TH: variants seen among roughly 807,000 people sequenced by gnomAD.
TH encodes the protein tyrosine hydroxylase.
In TH, 49 loss-of-function variants were observed where a neutral mutation model predicts 57.4. The observed-to-expected ratio is 0.85, with a 90% confidence interval of 0.68 to 1.08. The LOEUF (loss-of-function observed/expected upper bound fraction) is 1.08, where lower values mean the gene tolerates loss of function less well. Among genes scored for constraint, TH ranks in the 50% least tolerant of loss-of-function variants. TH has a pLI of 0.00. For synonymous variants in TH, 330 were observed against 304.5 expected (o/e 1.08, Z -0.87); for missense variants, 720 against 696.7 (o/e 1.03, Z -0.38).
chr11:2,166,775 G>A lies in TH; in HGVS notation c.842-7C>T. 1 of 1,548,030 alleles carries A rather than the reference G, an allele frequency of 6.5e-7. No homozygotes were observed. The highest frequency in any genetic ancestry group is 8.7e-7 in the Non-Finnish European group (1 of 1,145,800). The stretch of plus-strand genomic sequence containing the variant: ...AGCTGGAAGCCCGTGCGCTCTGCAA[G>A]GGGCCACGCGGGTCACTGCCGAGCC... On this transcript the variant is annotated splice_region_variant and splice_polypyrimidine_tract_variant and intron_variant, in intron 7 of 12. Transcript: ENST00000352909.
chr11:2,168,727 G>A (rs1168551851), intron 2 of TH, 62 bp from the exon 3 acceptor site: 5 of 1,132,770 alleles, frequency 4.4e-6, no homozygotes, highest in Non-Finnish European at 6.4e-6. Flanking sequence ...GAGAGAGAGG[G>A]TGGGGTGGGC....
rs1053018697 is a variant in TH, at chr11:2,171,369, A to AT, written c.90+327dup. ...AGCCGGGGACCTCTGGCCATCTTGGATTTTTTGGATGGATTTGTTTCCACA... is the reference window on the plus strand; with the variant it reads ...AGCCGGGGACCTCTGGCCATCTTGGATTTTTTTGGATGGATTTGTTTCCACA... On this transcript the variant is annotated intron_variant, in intron 1 of 12. Transcript: ENST00000352909. This position sits in a 1 kb window ranked among gnomAD's most constrained non-coding sequence, Gnocchi z 8.6. Among the ~76,000 whole-genome samples, 30 of 151,668 alleles carry AT rather than the reference A, an allele frequency of 2.0e-4. No homozygotes were observed. Among genetic ancestry groups the AT allele is most frequent in the South Asian group, 4.2e-4 (2 of 4,800 alleles).
chr11:2,169,177 C>T (rs758084515), intron 2 of TH, among the ~76,000 whole-genome samples: 5 of 152,026 alleles, frequency 3.3e-5, no homozygotes, highest in Admixed American at 2.0e-4. Flanking sequence ...AGCTGGGGGG[C>T]GGGGAGTCTG....
chr11:2,164,238 C>T lies in TH; in HGVS notation c.1489G>A (p.Gly497Ser). The change falls in exon 13 of 13, where the codon GGC becomes AGC. Residue 497 changes from glycine to serine, a missense_variant. Physicochemically the swap from Gly to Ser is moderately conservative, Grantham distance 56. Transcript: ENST00000352909. The stretch of plus-strand genomic sequence containing the variant: ...CCCTCAGGGACGCCGTGCACCTAGC[C>T]AATGGCACTCAGCGCATGGGCAAGG... ...DTLAHALSAI[G>S] is the part of the protein sequence containing the mutation. 6.8e-7 allele frequency: 1 copy of T among 1,463,634 alleles called. No individual in the cohort carries two copies. The highest frequency in any genetic ancestry group is 9.1e-7 in the Non-Finnish European group (1 of 1,103,578). The allele number at this position is 1,463,634 out of a possible 1,614,324, so 90.7% of individuals were successfully genotyped here. A position where few individuals can be genotyped will look rare whatever the true frequency, so the allele number is the denominator to read the frequency against.
chr11:2,168,703 AAG>A lies in TH; in HGVS notation c.313-40_313-39del, dbSNP rs765744887. The A allele has an allele frequency of 1.2e-5, 11 of 947,222 alleles. No individual in the cohort carries two copies. The Admixed American group carries it at 1.5e-4, about 13-fold the overall frequency. 58.7% of individuals were successfully genotyped at this position (947,222 alleles called of 1,614,324 possible). A position where few individuals can be genotyped will look rare whatever the true frequency, so the allele number is the denominator to read the frequency against. ...AAGCAGGAAGAGAGAGAGAAGGAGA[AAG>A]AGACAGAGATGGAGAGAGAGGGTGG... On this transcript the variant is annotated intron_variant, in intron 2 of 12. Transcript: ENST00000352909.
At position 2,171,467 on chromosome 11, in the gene TH, A is replaced by G. The variant is rs1180718591; in HGVS notation, c.90+230T>C. Among the ~76,000 whole-genome samples, 3 of 151,846 alleles carry G rather than the reference A, an allele frequency of 2.0e-5. No individual in the cohort carries two copies. Among genetic ancestry groups the G allele is most frequent in the Admixed American group, 1.3e-4 (2 of 15,264 alleles). ...GACCCCCGAGAGAGGTCGGCCTAAGAGGGGCACACACAGGGACAGGCATCA... is the reference window on the plus strand; with the variant it reads ...GACCCCCGAGAGAGGTCGGCCTAAGGGGGGCACACACAGGGACAGGCATCA... On this transcript the variant is annotated intron_variant, in intron 1 of 12. Transcript: ENST00000352909. The surrounding 1 kb of genome is among the most constrained non-coding windows in gnomAD (Gnocchi z 8.6).
intron 5 of TH, 104 bp from the exon 6 acceptor site, chr11:2,167,589 C>T (rs1245055950): frequency 1.2e-5 from 17 of 1,384,556 alleles, no homozygotes; most frequent in Middle Eastern, 1.8e-4. Context: ...CCTAGTGCAG[C>T]GAGGCCTTTG....
Position 2,169,702 on chromosome 11 carries a change from G to T in TH, c.260C>A (p.Ser87Tyr). 6.2e-7 allele frequency: 1 copy of T among 1,613,406 alleles called. No individual in the cohort carries two copies. Among genetic ancestry groups the T allele is most frequent in the Non-Finnish European group, 8.5e-7 (1 of 1,179,930 alleles). ...CGCCGAGGGCTTGGTGGCCCTCGGG[G>T]AGAAGAGCAGGTTTAGCACGGCCTT... ...EGKAVLNLLF[S>Y]PRATKPSALS... The change falls in exon 2 of 13, where the codon TCC becomes TAC. Residue 87 changes from serine to tyrosine, a missense_variant. Ser to Tyr is a moderately radical substitution (Grantham distance 144, BLOSUM62 -2). Coordinates refer to ENST00000352909, the MANE Select transcript of TH (RefSeq NM_000360.4).
At position 2,165,242 on chromosome 11, in the gene TH, C is replaced by A; in HGVS notation, c.1324G>T (p.Asp442Tyr). The A allele has an allele frequency of 1.2e-6, 2 of 1,612,892 alleles. No individual in the cohort carries two copies. Among genetic ancestry groups the A allele is most frequent in the Non-Finnish European group, 1.7e-6 (2 of 1,179,990 alleles). Residue 442 changes from aspartate to tyrosine, a missense_variant, in exon 12 of 13, where the codon GAC (aspartate) becomes TAC (tyrosine). Asp to Tyr is a radical substitution (Grantham distance 160). Transcript: ENST00000352909. ...AGCAGCCTAGCCCACCTGAGCTTGT[C>A]CTTGGCGTCACTGAAGCTCTCAGAC... is the stretch of plus-strand genomic sequence containing the variant. ...FVSESFSDAK[D>Y]KLRSYASRIQ...
Position 2,166,613 on chromosome 11 carries a change from C to T in TH, c.977+20G>A, listed in dbSNP as rs766264226. On this transcript the variant is annotated intron_variant, in intron 8 of 12. Transcript: ENST00000352909. Reference sequence around the variant, plus strand: ...GTCGCACCCCCCACCCTCGGGCTGGCGGCCAGGGCGCGCACTCACGGCTCA... The same window carrying T: ...GTCGCACCCCCCACCCTCGGGCTGGTGGCCAGGGCGCGCACTCACGGCTCA... 16 of 1,580,732 alleles carry T rather than the reference C, an allele frequency of 1.0e-5. No individual in the cohort carries two copies. In the African/African-American group the frequency reaches 1.7e-4, roughly 17 times the overall value.
intron 9 of TH, 162 bp downstream of exon 9, chr11:2,166,318 C>T (rs2133691802): frequency 9.4e-7 from 1 of 1,068,170 alleles, no homozygotes; most frequent in African/African-American, 1.6e-5. Flanking sequence ...AGGCTCCGCT[C>T]CAGCCCCGCC....
chr11:2,165,087 T>C, intron 12 of TH, 145 bp downstream of exon 12: 1 of 1,216,758 alleles, frequency 8.2e-7, no homozygotes, highest in Middle Eastern at 2.4e-4. Context: ...GTGTCCCTGC[T>C]GTGTGGGGGC....
Position 2,165,322 on chromosome 11 carries a change from T to G in TH, c.1244A>C (p.Glu415Ala), listed in dbSNP as rs1483412474. The change falls in exon 12 of 13, where the codon GAG (glutamate) becomes GCG (alanine). Residue 415 changes from glutamate to alanine, a missense_variant. Coordinates refer to ENST00000352909, the MANE Select transcript of TH (RefSeq NM_000360.4). The stretch of plus-strand genomic sequence containing the variant: ...TTGGTAGGGCTGCACGGCCGCAGCC[T>G]CAGGGTCGAAGGCCCGAATCTCAGG... ...EEPEIRAFDP[E>A]AAAVQPYQDQ... 6.2e-7 allele frequency: 1 copy of G among 1,612,478 alleles called. No homozygotes were observed. The highest frequency in any genetic ancestry group is 2.2e-5 in the East Asian group (1 of 44,856).
chr11:2,170,722 C>T lies in TH; in HGVS notation c.91-851G>A, dbSNP rs1186732715. The T allele has an allele frequency of 1.2e-6, 2 of 1,604,194 alleles. No individual in the cohort carries two copies. The highest frequency in any genetic ancestry group is 3.4e-5 in the Admixed American group (2 of 59,074). On this transcript the variant is annotated intron_variant, in intron 1 of 12. Coordinates refer to ENST00000352909, the MANE Select transcript of TH (RefSeq NM_000360.4). This position sits in a 1 kb window ranked among gnomAD's most constrained non-coding sequence, Gnocchi z 6.0. ...GTGGGGGTGTAGGATGCAGCTGGGGCTGCAGTTCCAGGCCACGGAGAGCCT... is the reference window on the plus strand; with the variant it reads ...GTGGGGGTGTAGGATGCAGCTGGGGTTGCAGTTCCAGGCCACGGAGAGCCT...
At chr11:2,168,716 G>A in intron 2 of TH, 51 bp from the exon 3 acceptor site, 1 of 1,113,970 alleles carries the variant, frequency 9.0e-7, no homozygotes, top group Non-Finnish European at 1.3e-6. Flanking sequence ...AGACAGAGAT[G>A]GAGAGAGAGG....
In TH at chr11:2,169,791, G is replaced by A. The variant is rs771152796; in HGVS notation, c.171C>T (p.Ala57=). 69 of 1,610,922 alleles carry A rather than the reference G, an allele frequency of 4.3e-5. No homozygotes were observed. The highest frequency in any genetic ancestry group is 1.2e-4 in the Admixed American group (7 of 59,920). Residue 57 remains alanine (A), a synonymous_variant, in exon 2 of 13, where the codon GCC becomes GCT. Coordinates refer to ENST00000352909, the MANE Select transcript of TH (RefSeq NM_000360.4). ...KEREAAVAAA[A]AAVPSEPGDP... ...CCCCGGGCTCCGAGGGGACTGCAGC[G>A]GCCGCTGCTGCCACCGCCGCCTCCC...
At position 2,167,073 on chromosome 11, in the gene TH, C is replaced by G. The variant is rs1479200265; in HGVS notation, c.696-41G>C. ...CTCAGGGCCCTCTAATGCCCCACCC[C>G]AGTGCCCGAAACCCCCCTCCTGAAC... On this transcript the variant is annotated intron_variant, in intron 6 of 12. Transcript: ENST00000352909. 1.4e-5 allele frequency: 21 copies of G among 1,555,092 alleles called. 1 individual carries two copies. The South Asian group carries it at 2.4e-4, about 18-fold the overall frequency.
Position 2,171,710 on chromosome 11 carries a change from G to A in TH, c.77C>T (p.Ala26Val), listed in dbSNP as rs1172575750. ...RAVSELDAKQAEAIMSPRFIG... is the reference protein window; with the variant it reads ...RAVSELDAKQVEAIMSPRFIG... Reference sequence around the variant, plus strand: ...CTGCCCTCTTACCATGATGGCCTCTGCCTGCTTGGCGTCCAGCTCAGACAC... The same window carrying A: ...CTGCCCTCTTACCATGATGGCCTCTACCTGCTTGGCGTCCAGCTCAGACAC... Residue 26 changes from alanine to valine, a missense_variant, in exon 1 of 13, where the codon GCA becomes GTA. Coordinates refer to ENST00000352909, the MANE Select transcript of TH (RefSeq NM_000360.4). This position sits in a 1 kb window ranked among gnomAD's most constrained non-coding sequence, Gnocchi z 8.6. 3.7e-6 allele frequency: 6 copies of A among 1,612,334 alleles called. No homozygotes were observed. Among genetic ancestry groups the A allele is most frequent in the Non-Finnish European group, 2.5e-6 (3 of 1,179,846 alleles).
In TH at chr11:2,164,181, G is replaced by A. The variant is rs570989291; in HGVS notation, c.*52C>T. ...CCCCTCACCAGGGCCTGAGCTCCGG[G>A]ACAGTGCAGGACCAGGGGAGGTTGG... On this transcript the variant is annotated 3_prime_UTR_variant, in exon 13 of 13. Transcript: ENST00000352909. The A allele has an allele frequency of 1.2e-4, 161 of 1,350,730 alleles. No individual in the cohort carries two copies. In the African/African-American group the frequency reaches 2.3e-3, roughly 19 times the overall value. 83.7% of individuals were successfully genotyped at this position (1,350,730 alleles called of 1,614,324 possible).
Sources: allele counts gnomAD v4.1 joint callset (sites outside exome capture counted in the v4.1 genomes callset), GRCh38; gene constraint gnomAD v4.1.1; non-coding constraint Gnocchi (gnomAD v3.1); transcripts MANE v1.5; gene names NCBI Gene and HGNC (gene_info 2026-07-23, HGNC 2026-07-21).